HTD2: variants seen among roughly 807,000 people sequenced by gnomAD.
The protein encoded by HTD2 is hydroxyacyl-thioester dehydratase type 2, mitochondrial.
In HTD2, 1 loss-of-function variant was observed where a neutral mutation model predicts 3.1. That is an observed-to-expected ratio of 0.32 (90% CI 0.11 to 1.52). HTD2 has a LOEUF of 1.52. Among genes scored for constraint, HTD2 ranks in the 40% most tolerant of loss-of-function variants. The pLI is 0.39. For synonymous variants in HTD2, 50 were observed against 28.9 expected, an observed-to-expected ratio of 1.73 and a Z score of -2.34; for missense variants, 150 against 79.6, an observed-to-expected ratio of 1.88 and a Z score of -3.36.
chr3:58,311,767 C>G (rs1468260009), intron 2 of HTD2, among the ~76,000 whole-genome samples: 1 of 151,922 alleles, frequency 6.6e-6, no homozygotes, highest in Admixed American at 6.6e-5. Context: ...GCATGAGCCA[C>G]TATGCCCAGC....
In HTD2 at chr3:58,319,503, G is replaced by A. The variant is rs1240397561; in HGVS notation, c.*1383G>A. On this transcript the variant is annotated 3_prime_UTR_variant, in exon 5 of 5. Coordinates refer to ENST00000461393, the MANE Select transcript of HTD2 (RefSeq NM_001348712.2). ...GACTGGCCCACAGTTAAACGTAACA[G>A]ACCAGTTTTTCAGGGTGTCAGCCAA... 2 of 152,122 alleles carry A rather than the reference G, an allele frequency of 1.3e-5. No homozygotes were observed. Among genetic ancestry groups the A allele is most frequent in the Non-Finnish European group, 2.9e-5 (2 of 68,022 alleles). 9.4% of individuals were successfully genotyped at this position (152,122 alleles called of 1,614,324 possible).
intron 2 of HTD2, among the ~76,000 whole-genome samples, chr3:58,314,829 C>G (rs2097486630): frequency 6.6e-6 from 1 of 151,980 alleles, no homozygotes; most frequent in Non-Finnish European, 1.5e-5. Context: ...GGACTACAGG[C>G]ACACACCACC....
Position 58,318,377 on chromosome 3 carries a change from G to A in HTD2, c.*257G>A, listed in dbSNP as rs772325604. 2.5e-5 allele frequency: 8 copies of A among 316,152 alleles called. No individual in the cohort carries two copies. Among genetic ancestry groups the A allele is most frequent in the Non-Finnish European group, 4.0e-5 (7 of 173,422 alleles). 19.6% of individuals were successfully genotyped at this position (316,152 alleles called of 1,614,324 possible). A position where few individuals can be genotyped will look rare whatever the true frequency, so the allele number is the denominator to read the frequency against. On this transcript the variant is annotated 3_prime_UTR_variant, in exon 5 of 5. Coordinates refer to ENST00000461393, the MANE Select transcript of HTD2 (RefSeq NM_001348712.2). ...TTTTGTTTTTTAATTCAAGAAGTAG[G>A]CTGGGCCCGGTGGCTCATGCCTGTA... is the stretch of plus-strand genomic sequence containing the variant.
chr3:58,318,345 G>T lies in HTD2; in HGVS notation c.*225G>T. The T allele has an allele frequency of 2.4e-6, 1 of 420,002 alleles. No homozygotes were observed. The highest frequency in any genetic ancestry group is 4.2e-6 in the Non-Finnish European group (1 of 238,434). 26.0% of individuals were successfully genotyped at this position (420,002 alleles called of 1,614,324 possible). The stretch of plus-strand genomic sequence containing the variant: ...ATTTCATTATCTGCCTGGGTTTTTT[G>T]TTTGTTTTTTGTTTTTTAATTCAAG... On this transcript the variant is annotated 3_prime_UTR_variant, in exon 5 of 5. Coordinates refer to ENST00000461393, the MANE Select transcript of HTD2 (RefSeq NM_001348712.2).
intron 2 of HTD2, among the ~76,000 whole-genome samples, chr3:58,314,717 G>A (rs1005563838): frequency 1.6e-4 from 18 of 114,828 alleles, no homozygotes; most frequent in Non-Finnish European, 2.1e-4. Flanking sequence ...ATGGAGTCTC[G>A]TTCTGTCACC....
intron 1 of HTD2, among the ~76,000 whole-genome samples, 179 bp downstream of exon 1, chr3:58,306,830 C>T (rs572745055): frequency 1.3e-5 from 2 of 152,110 alleles, no homozygotes; most frequent in East Asian, 1.9e-4. Context: ...TAGCAAGATT[C>T]TTGGAGTGGA....
intron 2 of HTD2, among the ~76,000 whole-genome samples, chr3:58,314,675 A>ATTTTTTTTTTTTTTT (rs751757663): frequency 7.7e-5 from 7 of 90,560 alleles, no homozygotes; most frequent in East Asian, 3.9e-4. Context: ...GTTTGGCAGT[A>ATTTTTTTTTTTTTTT]TTTTTTTTTT....
rs768924121 is a variant in HTD2 at position 58,316,956 on chromosome 3, C to G, written c.-212C>G. On this transcript the variant is annotated 5_prime_UTR_variant, in exon 4 of 5. It adds an upstream start codon to the 5' untranslated region. Coordinates refer to ENST00000461393, the MANE Select transcript of HTD2 (RefSeq NM_001348712.2). Reference sequence around the variant, plus strand: ...TGGAGCTCTTTGACCCTGTTAGGATCCTATAAAGGCAAAAAATGTGCTTTC... The same window carrying G: ...TGGAGCTCTTTGACCCTGTTAGGATGCTATAAAGGCAAAAAATGTGCTTTC... 2 of 1,613,866 alleles carry G rather than the reference C, an allele frequency of 1.2e-6. No individual in the cohort carries two copies. Among genetic ancestry groups the G allele is most frequent in the East Asian group, 4.5e-5 (2 of 44,858 alleles).
chr3:58,309,010 G>A (rs984119287), intron 1 of HTD2, among the ~76,000 whole-genome samples: 1 of 152,222 alleles, frequency 6.6e-6, no homozygotes, highest in Non-Finnish European at 1.5e-5. Context: ...GCTGCATTGA[G>A]TGCCCCTTCC....
At chr3:58,315,664 C>T (rs1245853065) in intron 2 of HTD2, 1 of 152,150 alleles carries the variant, frequency 6.6e-6, no homozygotes, top group Non-Finnish European at 1.5e-5. Flanking sequence ...CCTCCCTGTA[C>T]ATTTCTTTTT....
At chr3:58,309,677 G>A (rs928994361) in intron 1 of HTD2, among the ~76,000 whole-genome samples, 12 of 152,102 alleles carry the variant, frequency 7.9e-5, no homozygotes, top group African/African-American at 2.9e-4. Context: ...GTATCACGAG[G>A]TCAGGAGTTC....
chr3:58,310,531 A>G lies in HTD2; in HGVS notation c.-391A>G. On this transcript the variant is annotated 5_prime_UTR_variant, in exon 2 of 5. Coordinates refer to ENST00000461393, the MANE Select transcript of HTD2 (RefSeq NM_001348712.2). ...GAGAATTTCAAGATTGTGGAGTTGGACTGAATGCTGCACAGTTCAAACAGC... is the reference window on the plus strand; with the variant it reads ...GAGAATTTCAAGATTGTGGAGTTGGGCTGAATGCTGCACAGTTCAAACAGC... 1 of 1,611,420 alleles carries G rather than the reference A, an allele frequency of 6.2e-7. No individual in the cohort carries two copies. Among genetic ancestry groups the G allele is most frequent in the Non-Finnish European group, 8.5e-7 (1 of 1,179,388 alleles).
intron 3 of HTD2, 112 bp downstream of exon 3, chr3:58,316,703 T>C: frequency 9.6e-7 from 1 of 1,038,836 alleles, no homozygotes; most frequent in South Asian, 1.4e-5. Context: ...TCTGAGCAGC[T>C]TTTGGGAATT....
In HTD2 at chr3:58,317,881, G is replaced by A. The variant is rs1034854338; in HGVS notation, c.268G>A (p.Gly90Arg). The change falls in exon 5 of 5, where the codon GGA becomes AGA. Residue 90 changes from glycine to arginine, a missense_variant. Coordinates refer to ENST00000461393, the MANE Select transcript of HTD2 (RefSeq NM_001348712.2). Reference sequence around the variant, plus strand: ...AATTGTACATGGAGTTTTGATCAACGGACTTATCTCAGCTCTCCTAGGAAC... The same window carrying A: ...AATTGTACATGGAGTTTTGATCAACAGACTTATCTCAGCTCTCCTAGGAAC... ...NTIVHGVLIN[G>R]LISALLGTKM... 15 of 702,858 alleles carry A rather than the reference G, an allele frequency of 2.1e-5. No homozygotes were observed. Among genetic ancestry groups the A allele is most frequent in the Non-Finnish European group, 3.4e-5 (13 of 385,014 alleles). 43.5% of individuals were successfully genotyped at this position (702,858 alleles called of 1,614,324 possible). A position where few individuals can be genotyped will look rare whatever the true frequency, so the allele number is the denominator to read the frequency against.
intron 1 of HTD2, among the ~76,000 whole-genome samples, chr3:58,309,245 G>A (rs1473590030): frequency 6.6e-6 from 1 of 152,144 alleles, no homozygotes; most frequent in Non-Finnish European, 1.5e-5. Flanking sequence ...CTTTTTCTTT[G>A]GATAAAGAGG....
At chr3:58,309,641 C>T (rs769807342) in intron 1 of HTD2, among the ~76,000 whole-genome samples, 24 of 152,182 alleles carry the variant, frequency 1.6e-4, no homozygotes, top group Admixed American at 8.5e-4. Context: ...CCTGTAATAC[C>T]GGCACTCTGG....
At chr3:58,313,713 T>C (rs879821308) in intron 2 of HTD2, among the ~76,000 whole-genome samples, 6 of 152,250 alleles carry the variant, frequency 3.9e-5, no homozygotes, top group Admixed American at 3.9e-4. Flanking sequence ...TAGTCCCAAC[T>C]AGTCAGGAGG....
At chr3:58,317,063 A>G (rs902192262) in intron 4 of HTD2, 70 bp downstream of exon 4, 30 of 1,107,116 alleles carry the variant, frequency 2.7e-5, no homozygotes, top group Non-Finnish European at 3.7e-5. Context: ...AATATACACA[A>G]CTCATTTTTG....
chr3:58,312,416 C>T lies in HTD2; in HGVS notation c.-331+1825C>T, dbSNP rs539478201. On this transcript the variant is annotated intron_variant, in intron 2 of 4. Transcript: ENST00000461393. ...CTGAGACTACAGGTACCTGCCACCA[C>T]GCCCAGCTAATTTTTGTATTCCCCT... Among the ~76,000 whole-genome samples the T allele has an allele frequency of 1.1e-4, 16 of 149,426 alleles. No homozygotes were observed. In the Middle Eastern group the frequency reaches 0.01, roughly 97 times the overall value.
Sources: gnomAD v4.1 joint callset for allele counts (sites outside exome capture counted in the v4.1 genomes callset) on GRCh38, gnomAD v4.1.1 for gene constraint, MANE v1.5 for transcripts, NCBI Gene and HGNC (gene_info 2026-07-23, HGNC 2026-07-21) for gene names.